The following GFM2 variants were observed in gnomAD, a reference collection of about 807,000 sequenced individuals.
GFM2 encodes the protein GTP dependent ribosome recycling factor mitochondrial 2.
A neutral mutation model predicts 95.4 loss-of-function variants in GFM2; 72 were observed. The ratio of observed to expected loss-of-function variants is 0.76; its 90% CI spans 0.62 to 0.92. The LOEUF is 0.92. Ranked by LOEUF, GFM2 falls within the 40% of genes least tolerant of loss-of-function variation. The probability of loss-of-function intolerance (pLI) is 0.00; values close to 1 mark genes in which losing one functional copy is unlikely to be tolerated. For missense variants in GFM2, 825 were observed against 924.1 expected, an observed-to-expected ratio of 0.89 and a Z score of 1.39; for synonymous variants, 276 against 317.5, an observed-to-expected ratio of 0.87 and a Z score of 1.39.
At chr5:74,764,575 T>C (rs2112381729) in intron 1 of GFM2, among the ~76,000 whole-genome samples, 1 of 152,242 alleles carries the variant, frequency 6.6e-6, no homozygotes, top group East Asian at 1.9e-4. Context: ...ATTCTTCCAG[T>C]GTGGCCCAGG....
rs1744243324 is a variant in GFM2, at chr5:74,760,842, A to G, written c.148+60T>C. ...AATAAGGGAGATTCTTGCAAACAAG[A>G]GAGAGAAAAGAGATAAAGCAAACAG... is the stretch of plus-strand genomic sequence containing the variant. On this transcript the variant is annotated intron_variant, in intron 3 of 20. Coordinates refer to ENST00000296805, the MANE Select transcript of GFM2 (RefSeq NM_032380.5). 7 of 1,065,012 alleles carry G rather than the reference A, an allele frequency of 6.6e-6. No homozygotes were observed. In the Admixed American group the frequency reaches 1.5e-4, roughly 22 times the overall value. 66.0% of individuals were successfully genotyped at this position (1,065,012 alleles called of 1,614,324 possible).
chr5:74,747,663 G>C (rs1213697248), intron 8 of GFM2, 29 bp downstream of exon 8: 1 of 1,332,024 alleles, frequency 7.5e-7, no homozygotes, highest in African/African-American at 1.5e-5. Flanking sequence ...GTTTCACCCT[G>C]ATAAGCCAAT....
At chr5:74,749,856 A>G (rs578097900) in intron 7 of GFM2, among the ~76,000 whole-genome samples, 34 of 152,168 alleles carry the variant, frequency 2.2e-4, no homozygotes, top group Non-Finnish European at 4.9e-4. Context: ...TATGTCCTCT[A>G]AGAAATTTTT....
At chr5:74,754,292 A>C (rs1743864509) in intron 5 of GFM2, among the ~76,000 whole-genome samples, 1 of 143,884 alleles carries the variant, frequency 7.0e-6, no homozygotes, top group Admixed American at 7.0e-5. Context: ...GACCTATAAA[A>C]CAATAATACA....
At position 74,750,678 on chromosome 5, in the gene GFM2, G is replaced by T. The variant is rs1271730239; in HGVS notation, c.431-11C>A. On this transcript the variant is annotated splice_polypyrimidine_tract_variant and intron_variant, in intron 6 of 20. Coordinates refer to ENST00000296805, the MANE Select transcript of GFM2 (RefSeq NM_032380.5). ...TAAAGTCCACATGACCTAAGAAAAA[G>T]ATAAGACGTATAATGCCTTCTTTTT... 1 of 1,599,328 alleles carries T rather than the reference G, an allele frequency of 6.3e-7. No individual in the cohort carries two copies. Among genetic ancestry groups the T allele is most frequent in the Middle Eastern group, 1.7e-4 (1 of 6,024 alleles).
At position 74,725,942 on chromosome 5, in the gene GFM2, T is replaced by G; in HGVS notation, c.1911A>C (p.Gln637His). The G allele has an allele frequency of 6.2e-7, 1 of 1,608,434 alleles. No individual in the cohort carries two copies. The highest frequency in any genetic ancestry group is 8.5e-7 in the Non-Finnish European group (1 of 1,177,448). Residue 637 changes from glutamine (Q) to histidine (H), a missense_variant and splice_region_variant, in exon 18 of 21, where the codon CAA becomes CAC. By Grantham distance (24) the Gln-to-His change is conservative. Coordinates refer to ENST00000296805, the MANE Select transcript of GFM2 (RefSeq NM_032380.5). ...IENGIHSACL[Q>H]GPLLGSPIQD... is the part of the protein sequence containing the mutation. ...CTTACTCTCATTTGAGTGTCTTACC[T>G]TGGAGACATGCGCTGTGAATTCCAT...
intron 16 of GFM2, among the ~76,000 whole-genome samples, chr5:74,730,948 G>T (rs1017590194): frequency 2.6e-5 from 4 of 151,982 alleles, no homozygotes; most frequent in Admixed American, 1.3e-4. Context: ...CAAGCAGCTG[G>T]GATTACAGGC....
chr5:74,761,067 GT>G, intron 2 of GFM2, 81 bp from the exon 3 acceptor site: 1 of 786,248 alleles, frequency 1.3e-6, no homozygotes, highest in African/African-American at 1.8e-5. Flanking sequence ...ATTACGCTTT[GT>G]CAGAAGATAA....
chr5:74,756,040 C>A lies in GFM2; in HGVS notation c.304+2809G>T, dbSNP rs573894920. Among the ~76,000 whole-genome samples, 32 of 152,200 alleles carry A rather than the reference C, an allele frequency of 2.1e-4. No individual in the cohort carries two copies. The South Asian group carries it at 6.2e-3, about 30-fold the overall frequency. On this transcript the variant is annotated intron_variant, in intron 5 of 20. Coordinates refer to ENST00000296805, the MANE Select transcript of GFM2 (RefSeq NM_032380.5). ...TCAAGTAGGTTTCATACCAGGAATG[C>A]AGGGATAGTTTAACATCTGCAAGTC...
At chr5:74,751,754 CTTCTT>C (rs764140241) in intron 5 of GFM2, among the ~76,000 whole-genome samples, 20 of 152,036 alleles carry the variant, frequency 1.3e-4, no homozygotes, top group Non-Finnish European at 2.5e-4. Context: ...TACTTACTTA[CTTCTT>C]TTATTTCTTA....
Position 74,738,628 on chromosome 5 carries a change from T to G in GFM2, c.1094A>C (p.Asp365Ala). ...RNYEFLQWYK[D>A]DLCALAFKVL... ...TTTAAATGCCAATGCACATAAGTCA[T>G]CCTTATACCACTGCCTATAAAATAA... Residue 365 changes from aspartate (D) to alanine (A), a missense_variant, in exon 13 of 21, where the codon GAT becomes GCT. By Grantham distance (126) the Asp-to-Ala change is moderately radical. Transcript: ENST00000296805. 3 of 1,608,808 alleles carry G rather than the reference T, an allele frequency of 1.9e-6. No individual in the cohort carries two copies. Among genetic ancestry groups the G allele is most frequent in the Non-Finnish European group, 2.5e-6 (3 of 1,178,166 alleles).
intron 2 of GFM2, among the ~76,000 whole-genome samples, chr5:74,761,962 A>C (rs1051795804): frequency 1.3e-5 from 2 of 152,192 alleles, no homozygotes; most frequent in Non-Finnish European, 2.9e-5. Flanking sequence ...ATCCTCAGAA[A>C]ATAATTCCAC....
intron 14 of GFM2, among the ~76,000 whole-genome samples, chr5:74,737,310 T>A (rs970857264): frequency 6.6e-6 from 1 of 152,200 alleles, no homozygotes; most frequent in African/African-American, 2.4e-5. Context: ...AGAAGTCCAT[T>A]AGAGTGTTCT....
chr5:74,746,299 C>G (rs756784716), intron 8 of GFM2, 134 bp from the exon 9 acceptor site: 3 of 462,706 alleles, frequency 6.5e-6, no homozygotes, highest in Non-Finnish European at 1.1e-5. Flanking sequence ...TTCTCCTTAA[C>G]GCTCACTATT....
chr5:74,762,176 G>A (rs946220907), intron 2 of GFM2, among the ~76,000 whole-genome samples: 1 of 152,134 alleles, frequency 6.6e-6, no homozygotes, highest in African/African-American at 2.4e-5. Context: ...GAATGGTAAG[G>A]CTTCTTAGCA....
chr5:74,728,572 C>G (rs1750256079), intron 17 of GFM2, among the ~76,000 whole-genome samples: 2 of 152,018 alleles, frequency 1.3e-5, no homozygotes, highest in Admixed American at 6.6e-5. Context: ...TCTATCGCCT[C>G]TCTTATTTCT....
chr5:74,762,942 C>T (rs908169604), intron 2 of GFM2, among the ~76,000 whole-genome samples: 4 of 152,172 alleles, frequency 2.6e-5, no homozygotes, highest in African/African-American at 7.2e-5. Flanking sequence ...AACAGCTAAA[C>T]AGCAAAACCA....
chr5:74,763,739 A>G lies in GFM2; in HGVS notation c.4T>C (p.Leu2=). M[L]TNLRIFAMSH... The stretch of plus-strand genomic sequence containing the variant: ...ATTGCAAATATCCTCAAGTTGGTCA[A>G]CATCTTGATCCTCCAAACTGTTACT... The change falls in exon 2 of 21, where the codon TTG becomes CTG. Residue 2 remains leucine, a synonymous_variant. Transcript: ENST00000296805. 1 of 1,605,922 alleles carries G rather than the reference A, an allele frequency of 6.2e-7. No homozygotes were observed. Among genetic ancestry groups the G allele is most frequent in the Non-Finnish European group, 8.5e-7 (1 of 1,173,396 alleles).
At chr5:74,728,613 A>T (rs1302713330) in intron 17 of GFM2, among the ~76,000 whole-genome samples, 1 of 152,092 alleles carries the variant, frequency 6.6e-6, no homozygotes, top group Admixed American at 6.6e-5. Context: ...TCTACATCTC[A>T]TAATTCCAAT....
Sources: gnomAD v4.1 joint callset for allele counts (sites outside exome capture counted in the v4.1 genomes callset) on GRCh38, gnomAD v4.1.1 for gene constraint, MANE v1.5 for transcripts, NCBI Gene and HGNC (gene_info 2026-07-23, HGNC 2026-07-21) for gene names.